Variants in SP110 observed in about 807,000 individuals in gnomAD.
The protein encoded by SP110 is SP110 nuclear body protein, also known as interferon-induced protein 41, 30kD.
A neutral mutation model predicts 92.7 loss-of-function variants in SP110; 62 were observed. That is an observed-to-expected ratio of 0.67 (90% CI 0.55 to 0.83). SP110 has a LOEUF of 0.83. SP110 is among the 40% of genes least tolerant of loss of function. The probability of loss-of-function intolerance (pLI) is 0.00; values close to 1 mark genes in which losing one functional copy is unlikely to be tolerated. For synonymous variants in SP110, 273 were observed against 305.3 expected (o/e 0.89, Z 1.10); for missense variants, 793 against 863.9 (o/e 0.92, Z 1.03).
At chr2:230,173,287 C>T (rs2041699834) in intron 14 of SP110, 2 of 358,636 alleles carry the variant, frequency 5.6e-6, no homozygotes, top group South Asian at 2.2e-5. Flanking sequence ...ATTTGCTGAG[C>T]CCACCAGGCC....
In SP110 at chr2:230,166,649, A is replaced by G. The variant is rs13026113; in HGVS notation, c.*2475T>C. On this transcript the variant is annotated 3_prime_UTR_variant, in exon 19 of 19. Transcript: ENST00000258381. ...TCAACTTAGTTTGTTTTTCATAGTG[A>G]TCTGAGTGTTAAAATTCTGTTAACT... 0.66 allele frequency among the ~76,000 whole-genome samples: 100,344 copies of G among 151,710 alleles called. 33,593 individuals carry two copies. Among genetic ancestry groups the G allele is most frequent in the Middle Eastern group, 0.72 (210 of 292 alleles).
chr2:230,218,142 A>G (rs1398522649), intron 1 of SP110, among the ~76,000 whole-genome samples: 3 of 152,268 alleles, frequency 2.0e-5, no homozygotes, highest in Non-Finnish European at 4.4e-5. Flanking sequence ...GAAAAGGAAA[A>G]GCACTAACAA....
intron 15 of SP110, 86 bp downstream of exon 15, chr2:230,172,758 A>G (rs1574591801): frequency 2.3e-6 from 2 of 881,858 alleles, no homozygotes; most frequent in Admixed American, 3.8e-5. Context: ...TCTGCGTCAC[A>G]CCCTCGTCCC....
upstream of SP110, among the ~76,000 whole-genome samples, chr2:230,221,010 C>T (rs141940790): frequency 1.1e-3 from 171 of 151,580 alleles, 1 homozygote; most frequent in Admixed American, 2.2e-3. Flanking sequence ...GGGCCAGGCT[C>T]GGTGGCTCAC....
At chr2:230,175,474 T>C (rs1374469409) in intron 14 of SP110, among the ~76,000 whole-genome samples, 6 of 152,252 alleles carry the variant, frequency 3.9e-5, no homozygotes, top group African/African-American at 1.2e-4. Flanking sequence ...TATTATGATG[T>C]TACACTGAGC....
In SP110 at chr2:230,165,742, G is replaced by A. The variant is rs539630334; in HGVS notation, c.*3382C>T. On this transcript the variant is annotated 3_prime_UTR_variant, in exon 19 of 19. Coordinates refer to ENST00000258381, the MANE Select transcript of SP110 (RefSeq NM_080424.4). ...TGACATTAAAAAAATAAGTCAAAAT[G>A]CATTGGGAAAACTTATGGGTAAATA... Among the ~76,000 whole-genome samples the A allele has an allele frequency of 6.6e-6, 1 of 151,930 alleles. No individual in the cohort carries two copies. Among genetic ancestry groups the A allele is most frequent in the Non-Finnish European group, 1.5e-5 (1 of 67,988 alleles).
chr2:230,168,108 C>CAAAAAAAAAAAAAAAAAAAAAAAAAAAAA lies in SP110; in HGVS notation c.*1015_*1016insTTTTTTTTTTTTTTTTTTTTTTTTTTTTT. The stretch of plus-strand genomic sequence containing the variant: ...TGGGTGACAGAGTGAGACTCTGTCT[C>CAAAAAAAAAAAAAAAAAAAAAAAAAAAAA]AAAAAAAAAAAAAAAAAAAAAAAAA... On this transcript the variant is annotated 3_prime_UTR_variant, in exon 19 of 19. Coordinates refer to ENST00000258381, the MANE Select transcript of SP110 (RefSeq NM_080424.4). 1 of 62,460 alleles carries CAAAAAAAAAAAAAAAAAAAAAAAAAAAAA rather than the reference C, an allele frequency of 1.6e-5. No homozygotes were observed. 3.9% of individuals were successfully genotyped at this position (62,460 alleles called of 1,614,324 possible). A position where few individuals can be genotyped will look rare whatever the true frequency, so the allele number is the denominator to read the frequency against.
chr2:230,220,142 G>C, upstream of SP110: 2 of 938,662 alleles, frequency 2.1e-6, no homozygotes, highest in Non-Finnish European at 2.5e-6. Flanking sequence ...TTGGCAGTTG[G>C]GGTTTGGGGG....
intron 9 of SP110, among the ~76,000 whole-genome samples, chr2:230,201,926 C>G (rs1441675006): frequency 2.0e-5 from 3 of 152,174 alleles, no homozygotes; most frequent in Non-Finnish European, 4.4e-5. Flanking sequence ...TCTCAAAAGA[C>G]TGTTAAATTA....
intron 9 of SP110, among the ~76,000 whole-genome samples, chr2:230,201,572 G>A (rs774427793): frequency 7.9e-5 from 12 of 152,174 alleles, no homozygotes; most frequent in South Asian, 2.1e-4. Flanking sequence ...CTACCCTTGA[G>A]TACATATCTG....
intron 10 of SP110, among the ~76,000 whole-genome samples, chr2:230,198,898 C>T (rs535315417): frequency 1.6e-4 from 25 of 152,178 alleles, no homozygotes; most frequent in African/African-American, 3.1e-4. Flanking sequence ...TATCTGTGAC[C>T]GGAAGCATTT....
chr2:230,172,145 A>G lies in SP110; in HGVS notation c.1736T>C (p.Met579Thr). The G allele has an allele frequency of 6.2e-7, 1 of 1,612,956 alleles. No homozygotes were observed. Residue 579 changes from methionine (M) to threonine (T), a missense_variant, in exon 16 of 19, where the codon ATG becomes ACG. Met to Thr is a moderately conservative substitution (Grantham distance 81, BLOSUM62 -1). Coordinates refer to ENST00000258381, the MANE Select transcript of SP110 (RefSeq NM_080424.4). ...RMLWSCTFCR[M>T]KRSSGSQQCH... is the part of the protein sequence containing the mutation. ...CTGTTGGCTTCCTGAAGACCTCTTC[A>G]TCCTGCAGAAGGTGCAACTCCACAG...
intron 12 of SP110, among the ~76,000 whole-genome samples, 167 bp from the exon 13 acceptor site, chr2:230,178,422 G>GTGGC (rs1227096772): frequency 1.3e-5 from 2 of 151,536 alleles, no homozygotes; most frequent in Non-Finnish European, 2.9e-5. Flanking sequence ...TGTGTACACA[G>GTGGC]TGGCCTGCAA....
intron 8 of SP110, chr2:230,202,951 T>C (rs2043326309): frequency 8.6e-6 from 5 of 578,764 alleles, no homozygotes; most frequent in East Asian, 3.0e-5. Context: ...TCACTCCTGG[T>C]ATGACCTGTT....
At chr2:230,222,974 G>C (rs1305577765), upstream of SP110, among the ~76,000 whole-genome samples, 1 of 151,280 alleles carries the variant, frequency 6.6e-6, no homozygotes, top group Non-Finnish European at 1.5e-5. Context: ...TTCTTTAGCA[G>C]GTATGCTAGC....
Position 230,172,152 on chromosome 2 carries a change from A to T in SP110, c.1729T>A (p.Cys577Ser). The T allele has an allele frequency of 6.2e-7, 1 of 1,611,570 alleles. No individual in the cohort carries two copies. Residue 577 changes from cysteine to serine, a missense_variant, in exon 16 of 19, where the codon TGC (cysteine) becomes AGC (serine). Cys to Ser is a moderately radical substitution (Grantham distance 112). Coordinates refer to ENST00000258381, the MANE Select transcript of SP110 (RefSeq NM_080424.4). ...AKRMLWSCTF[C>S]RMKRSSGSQQ... ...CTTCCTGAAGACCTCTTCATCCTGC[A>T]GAAGGTGCAACTCCACAGCATCCTG...
chr2:230,206,595 T>TTATATATATA (rs56817002), intron 8 of SP110, among the ~76,000 whole-genome samples: 765 of 70,144 alleles, frequency 0.011, 44 homozygotes, highest in East Asian at 0.018. Context: ...GGTCCAGATT[T>TTATATATATA]TATATATATA....
At chr2:230,218,469 A>G (rs145074513) in intron 1 of SP110, among the ~76,000 whole-genome samples, 2 of 152,344 alleles carry the variant, frequency 1.3e-5, no homozygotes, top group East Asian at 1.9e-4. Flanking sequence ...ACTATCCACA[A>G]TATGCACAGG....
chr2:230,204,402 C>T (rs532075920), intron 8 of SP110, among the ~76,000 whole-genome samples: 1 of 152,112 alleles, frequency 6.6e-6, no homozygotes, highest in African/African-American at 2.4e-5. Context: ...GTGCAGAGTA[C>T]GTATGTCTGC....
Sources: gnomAD v4.1 joint callset for allele counts (sites outside exome capture counted in the v4.1 genomes callset) on GRCh38, gnomAD v4.1.1 for gene constraint, MANE v1.5 for transcripts, NCBI Gene and HGNC (gene_info 2026-07-23, HGNC 2026-07-21) for gene names.